The following CCT5 variants were observed in gnomAD, a reference collection of about 807,000 sequenced individuals.
CCT5 encodes the protein T-complex protein 1 subunit epsilon.
Under a neutral mutation model 55.0 loss-of-function variants are expected in CCT5, and 6 were observed. The observed-to-expected ratio is 0.11, with a 90% CI of 0.06 to 0.22. The LOEUF (loss-of-function observed/expected upper bound fraction) is 0.22, where lower values mean the gene tolerates loss of function less well. Among genes scored for constraint, CCT5 ranks in the 10% least tolerant of loss-of-function variants. The pLI is 1.00. For missense variants in CCT5, 560 were observed against 694.6 expected (o/e 0.81, Z 2.18); for synonymous variants, 231 against 243.7 (o/e 0.95, Z 0.49).
At chr5:10,249,921 A>AAC, upstream of CCT5, 1 of 1,437,284 alleles carries the variant, frequency 7.0e-7, no homozygotes, top group Non-Finnish European at 9.2e-7. Context: ...AAAAAAAAAA[A>AAC]AAAAAAAAAA....
At chr5:10,254,238 A>G (rs1296065213) in intron 2 of CCT5, 33 bp downstream of exon 2, 1 of 1,396,170 alleles carries the variant, frequency 7.2e-7, no homozygotes, top group South Asian at 1.2e-5. Flanking sequence ...TTTTTAGCAA[A>G]AGATTTAAAT....
intron 6 of CCT5, among the ~76,000 whole-genome samples, chr5:10,259,734 G>A (rs1745862401): frequency 6.6e-6 from 1 of 152,218 alleles, no homozygotes; most frequent in African/African-American, 2.4e-5. Flanking sequence ...ATAAATAAAA[G>A]GCCATCATCT....
intron 1 of CCT5, among the ~76,000 whole-genome samples, chr5:10,252,851 CTCGGGATT>C (rs1745495769): frequency 6.6e-6 from 1 of 152,080 alleles, no homozygotes; most frequent in South Asian, 2.1e-4. Flanking sequence ...CAAAATAGAT[CTCGGGATT>C]TCGGGATCTC....
At position 10,254,856 on chromosome 5, in the gene CCT5, A is replaced by T; in HGVS notation, c.331+18A>T. 1 of 1,606,258 alleles carries T rather than the reference A, an allele frequency of 6.2e-7. No homozygotes were observed. The highest frequency in any genetic ancestry group is 8.5e-7 in the Non-Finnish European group (1 of 1,172,896). On this transcript the variant is annotated intron_variant, in intron 3 of 10. Transcript: ENST00000280326. ...AGTGGTTGGTAAGAAAAGACAAAAC[A>T]TCCTTTCTCATTTAAGAGACGTCAT... is the stretch of plus-strand genomic sequence containing the variant.
intron 10 of CCT5, among the ~76,000 whole-genome samples, chr5:10,264,444 C>T (rs1188864336): frequency 6.6e-6 from 1 of 152,182 alleles, no homozygotes; most frequent in East Asian, 1.9e-4. Flanking sequence ...CAACAGCTCT[C>T]TTTACCAGGT....
chr5:10,258,329 G>T lies in CCT5; in HGVS notation c.723+26G>T, dbSNP rs762233070. ...GTGAGCCATTGCATCTCACAGCTTC[G>T]CACTGTTGGTTAACTCTTAATTCCA... is the stretch of plus-strand genomic sequence containing the variant. On this transcript the variant is annotated intron_variant, in intron 5 of 10. Transcript: ENST00000280326. 7.4e-6 allele frequency: 12 copies of T among 1,613,818 alleles called. No homozygotes were observed. The South Asian group carries it at 1.2e-4, about 16-fold the overall frequency.
At chr5:10,263,011 G>C (rs920282320) in intron 9 of CCT5, 123 bp from the exon 10 acceptor site, 3 of 803,970 alleles carry the variant, frequency 3.7e-6, no homozygotes, top group Non-Finnish European at 6.4e-6. Context: ...AATAAAGACA[G>C]CCTGTTCTTA....
chr5:10,252,123 G>T (rs561904880), intron 1 of CCT5, among the ~76,000 whole-genome samples: 51 of 152,332 alleles, frequency 3.3e-4, no homozygotes, highest in African/African-American at 1.2e-3. Flanking sequence ...ATCATTCTTT[G>T]CTGTGGGAGC....
At chr5:10,260,135 A>G (rs10043031) in intron 6 of CCT5, among the ~76,000 whole-genome samples, 139,914 of 152,260 alleles carry the variant, frequency 0.92, 64,464 homozygotes, top group African/African-American at 0.97. Context: ...AGTAGCAGGT[A>G]GCCTGGGAGG....
intron 4 of CCT5, among the ~76,000 whole-genome samples, chr5:10,256,890 T>C (rs1745711274): frequency 6.6e-6 from 1 of 152,162 alleles, no homozygotes; most frequent in East Asian, 1.9e-4. Flanking sequence ...GTTCGTGTAA[T>C]GTCCGTTTGC....
Position 10,250,927 on chromosome 5 carries a change from G to A in CCT5, c.105+482G>A, listed in dbSNP as rs1745364908. The A allele has an allele frequency of 1.3e-5, 12 of 959,408 alleles. No homozygotes were observed. In the South Asian group the frequency reaches 4.0e-4, roughly 32 times the overall value. The allele number at this position is 959,408 out of a possible 1,614,324, so 59.4% of individuals were successfully genotyped here. Reference sequence around the variant, plus strand: ...ACTTAACAGGGTATTTCATTTCTGAGTGCTTTTTTGCCCACCCTTGAGGAA... The same window carrying A: ...ACTTAACAGGGTATTTCATTTCTGAATGCTTTTTTGCCCACCCTTGAGGAA... On this transcript the variant is annotated intron_variant, in intron 1 of 10. Transcript: ENST00000280326.
At chr5:10,258,038 T>G in intron 4 of CCT5, 73 bp from the exon 5 acceptor site, 6 of 1,415,020 alleles carry the variant, frequency 4.2e-6, no homozygotes, top group South Asian at 2.4e-5. Flanking sequence ...TTGAGTAACA[T>G]TGTGTTATGT....
rs1745309590 is a variant in CCT5, at chr5:10,250,323, A to G, written c.-18A>G. 6.2e-7 allele frequency: 1 copy of G among 1,613,916 alleles called. No homozygotes were observed. Among genetic ancestry groups the G allele is most frequent in the South Asian group, 1.1e-5 (1 of 91,078 alleles). ...CGGTCTCCGCCGGTTGGGGGGAAGT[A>G]ATTCCGGTTGTTGCACCATGGCGTC... On this transcript the variant is annotated 5_prime_UTR_variant, in exon 1 of 11. Coordinates refer to ENST00000280326, the MANE Select transcript of CCT5 (RefSeq NM_012073.5).
chr5:10,257,582 A>C (rs997095941), intron 4 of CCT5, among the ~76,000 whole-genome samples: 5 of 152,214 alleles, frequency 3.3e-5, no homozygotes, highest in African/African-American at 1.2e-4. Flanking sequence ...CACATGTTTC[A>C]AAGCTTTCAA....
At chr5:10,258,881 T>C (rs1363404257) in intron 6 of CCT5, among the ~76,000 whole-genome samples, 1 of 152,132 alleles carries the variant, frequency 6.6e-6, no homozygotes, top group Non-Finnish European at 1.5e-5. Flanking sequence ...TAGTCCTAGC[T>C]ACTCAGGAGG....
chr5:10,250,965 G>A (rs1465424959), intron 1 of CCT5: 1 of 704,100 alleles, frequency 1.4e-6, no homozygotes, highest in Non-Finnish European at 1.8e-6. Context: ...ATAGCGAAGA[G>A]TGAAAAACGG....
At chr5:10,261,985 C>T (rs992834914) in intron 8 of CCT5, 9 of 497,700 alleles carry the variant, frequency 1.8e-5, no homozygotes, top group African/African-American at 3.9e-5. Context: ...ATTTTTATAT[C>T]TTTTTAAATA....
At position 10,258,376 on chromosome 5, in the gene CCT5, TC is replaced by T; in HGVS notation, c.724-5del. 6.2e-7 allele frequency: 1 copy of T among 1,613,996 alleles called. No homozygotes were observed. The highest frequency in any genetic ancestry group is 8.5e-7 in the Non-Finnish European group (1 of 1,180,006). Reference sequence around the variant, plus strand: ...TCCACCAATTAAAATGTCTTTATGTTCCCCCATAGAAAGTGGAAGATGCGAA... The same window carrying T: ...TCCACCAATTAAAATGTCTTTATGTTCCCCATAGAAAGTGGAAGATGCGAA... On this transcript the variant is annotated splice_polypyrimidine_tract_variant and intron_variant, in intron 5 of 10. Transcript: ENST00000280326.
intron 6 of CCT5, among the ~76,000 whole-genome samples, chr5:10,259,688 C>G (rs1745860218): frequency 6.6e-6 from 1 of 152,136 alleles, no homozygotes; most frequent in Non-Finnish European, 1.5e-5. Flanking sequence ...CAAGGAAGAG[C>G]CAGCCTCAGG....
Sources: allele counts gnomAD v4.1 joint callset (sites outside exome capture counted in the v4.1 genomes callset), GRCh38; gene constraint gnomAD v4.1.1; transcripts MANE v1.5; gene names NCBI Gene and HGNC (gene_info 2026-07-23, HGNC 2026-07-21).